Variants in LPIN3 observed in about 807,000 individuals in gnomAD.
LPIN3 encodes the protein lipin 3, also known as phosphatidate phosphatase LPIN3.
In LPIN3, 82 loss-of-function variants were observed where a neutral mutation model predicts 94.7. The observed-to-expected ratio is 0.87, with a 90% CI of 0.72 to 1.04. The LOEUF (loss-of-function observed/expected upper bound fraction) is 1.04. Among genes scored for constraint, LPIN3 ranks in the 50% least tolerant of loss-of-function variants. The pLI is 0.00. For synonymous variants in LPIN3, 418 were observed against 443.3 expected, an observed-to-expected ratio of 0.94 and a Z score of 0.72; for missense variants, 996 against 1,090.5, an observed-to-expected ratio of 0.91 and a Z score of 1.22.
intron 1 of LPIN3, among the ~76,000 whole-genome samples, chr20:41,345,339 T>C (rs952757471): frequency 6.6e-6 from 1 of 152,148 alleles, no homozygotes; most frequent in African/African-American, 2.4e-5. Flanking sequence ...TTCATAGTTA[T>C]GAGGCTCTGG....
At chr20:41,346,094 G>T (rs2045765273) in intron 2 of LPIN3, 99 bp downstream of exon 2, 1 of 1,228,996 alleles carries the variant, frequency 8.1e-7, no homozygotes, top group Non-Finnish European at 1.1e-6. Context: ...CCTCCCTTAG[G>T]TGGGGATCTG....
At chr20:41,356,585 A>G (rs1324051235) in intron 14 of LPIN3, among the ~76,000 whole-genome samples, 1 of 152,142 alleles carries the variant, frequency 6.6e-6, no homozygotes. Flanking sequence ...ATCCTTCCCT[A>G]TGGATCAAGT....
chr20:41,342,956 C>T (rs917983399), intron 1 of LPIN3, among the ~76,000 whole-genome samples: 6 of 152,128 alleles, frequency 3.9e-5, no homozygotes, highest in Admixed American at 2.6e-4. Context: ...CTCTGCTATT[C>T]GGCCCTTTCT....
intron 17 of LPIN3, 94 bp from the exon 18 acceptor site, chr20:41,358,143 G>T: frequency 6.3e-7 from 1 of 1,579,922 alleles, no homozygotes; most frequent in Non-Finnish European, 8.6e-7. Flanking sequence ...GGCAAGGAGG[G>T]TGGGGTCAGA....
Position 41,357,365 on chromosome 20 carries a change from G to A in LPIN3, c.1957G>A (p.Asp653Asn), listed in dbSNP as rs2046247884. 1.2e-6 allele frequency: 2 copies of A among 1,613,980 alleles called. No homozygotes were observed. The highest frequency in any genetic ancestry group is 1.7e-6 in the Non-Finnish European group (2 of 1,179,922). The change falls in exon 16 of 20, where the codon GAT (aspartate) becomes AAT (asparagine). Residue 653 changes from aspartate to asparagine, a missense_variant. Physicochemically the swap from Asp to Asn is conservative, Grantham distance 23. Transcript: ENST00000373257. Reference sequence around the variant, plus strand: ...ACCCTTCCTCTCTCACTCTAGGTCAGATGCTCTGGGCCATATCCTGCCCCA... The same window carrying A: ...ACCCTTCCTCTCTCACTCTAGGTCAAATGCTCTGGGCCATATCCTGCCCCA... ...SDIDGTITKS[D>N]ALGHILPQLG...
chr20:41,357,758 C>A, intron 16 of LPIN3, 124 bp from the exon 17 acceptor site: 1 of 1,307,622 alleles, frequency 7.6e-7, no homozygotes, highest in Non-Finnish European at 1.1e-6. Context: ...CTCTTCAAGT[C>A]CCCTCCCTGC....
In LPIN3 at chr20:41,352,836, C is replaced by A. The variant is rs1227293425; in HGVS notation, c.1496C>A (p.Ser499Tyr). The change falls in exon 11 of 20, where the codon TCC becomes TAC. Residue 499 changes from serine (S) to tyrosine (Y), a missense_variant. By Grantham distance (144) the Ser-to-Tyr change is moderately radical. Coordinates refer to ENST00000373257, the MANE Select transcript of LPIN3 (RefSeq NM_022896.3). ...NWAVAAPMIL[S>Y]LQAFQKNLPK... ...GCTGTGGCTGCCCCCATGATCCTCT[C>A]CCTGCAAGCCTTCCAGAAAAACTTG... 2 of 1,614,230 alleles carry A rather than the reference C, an allele frequency of 1.2e-6. No individual in the cohort carries two copies. Among genetic ancestry groups the A allele is most frequent in the Admixed American group, 3.3e-5 (2 of 60,032 alleles).
Position 41,354,845 on chromosome 20 carries a change from C to T in LPIN3, c.1646C>T (p.Ala549Val), listed in dbSNP as rs374830738. The part of the protein sequence containing the change: ...EERSAQKEKT[A>V]AKEQQGEKTE... ...CGCAGTGCCCAGAAGGAGAAGACTG[C>T]AGCCAAGGAGCAGCAGGGGTGAGTG... Residue 549 changes from alanine (A) to valine (V), a missense_variant, in exon 13 of 20, where the codon GCA becomes GTA. Physicochemically the swap from Ala to Val is moderately conservative, Grantham distance 64 (BLOSUM62 0). Coordinates refer to ENST00000373257, the MANE Select transcript of LPIN3 (RefSeq NM_022896.3). The T allele has an allele frequency of 8.2e-6, 13 of 1,579,506 alleles. No individual in the cohort carries two copies. In the African/African-American group the frequency reaches 1.6e-4, roughly 20 times the overall value.
intron 13 of LPIN3, 76 bp from the exon 14 acceptor site, chr20:41,355,820 G>A (rs1439395300): frequency 1.3e-6 from 2 of 1,575,048 alleles, no homozygotes; most frequent in Non-Finnish European, 1.7e-6. Flanking sequence ...GACAGGTCCA[G>A]CCTCCTCTTG....
intron 1 of LPIN3, among the ~76,000 whole-genome samples, chr20:41,341,800 AC>A (rs1017920054): frequency 1.3e-5 from 2 of 151,772 alleles, no homozygotes; most frequent in Non-Finnish European, 2.9e-5. Flanking sequence ...ACACGGTGAA[AC>A]CCCGTCTCCA....
Position 41,356,045 on chromosome 20 carries a change from G to A in LPIN3, c.1803+11G>A, listed in dbSNP as rs778276057. On this transcript the variant is annotated intron_variant, in intron 14 of 19. Transcript: ENST00000373257. The stretch of plus-strand genomic sequence containing the variant: ...TCCTCCGATCAGATCGTAAGTGTGG[G>A]TTGTCTGTGTGGAGGTTGGGGAGGG... 39 of 1,612,118 alleles carry A rather than the reference G, an allele frequency of 2.4e-5. No individual in the cohort carries two copies. The highest frequency in any genetic ancestry group is 3.2e-5 in the Non-Finnish European group (38 of 1,178,574).
intron 2 of LPIN3, among the ~76,000 whole-genome samples, chr20:41,346,572 C>T (rs2045785209): frequency 6.6e-6 from 1 of 152,164 alleles, no homozygotes; most frequent in South Asian, 2.1e-4. Flanking sequence ...GAAACCCAGT[C>T]TCTACCAAAA....
At chr20:41,357,267 G>A in intron 15 of LPIN3, 79 bp downstream of exon 15, 2 of 1,604,432 alleles carry the variant, frequency 1.2e-6, no homozygotes, top group Middle Eastern at 1.9e-4. Flanking sequence ...GTGGTGGGGA[G>A]TGAGAGGAGC....
chr20:41,351,057 T>C (rs1423741730), intron 7 of LPIN3, among the ~76,000 whole-genome samples: 1 of 150,710 alleles, frequency 6.6e-6, no homozygotes, highest in Non-Finnish European at 1.5e-5. Context: ...GCCTGGGCAA[T>C]GTAGTGAGAA....
In LPIN3 at chr20:41,355,957, A is replaced by T; in HGVS notation, c.1726A>T (p.Ile576Phe). The T allele has an allele frequency of 1.2e-6, 2 of 1,613,956 alleles. No individual in the cohort carries two copies. The highest frequency in any genetic ancestry group is 2.2e-5 in the South Asian group (2 of 91,070). ...CCCAGACAGCCCTGTGATCCTGGAG[A>T]TCCCCTCCTTGCCACCCTCCACTCC... ...DAPDSPVILEIPSLPPSTPPS... is the reference protein window; with the variant it reads ...DAPDSPVILEFPSLPPSTPPS... The change falls in exon 14 of 20, where the codon ATC becomes TTC. Residue 576 changes from isoleucine to phenylalanine, a missense_variant. By Grantham distance (21) the Ile-to-Phe change is conservative. Coordinates refer to ENST00000373257, the MANE Select transcript of LPIN3 (RefSeq NM_022896.3).
chr20:41,346,114 C>G, intron 2 of LPIN3, 119 bp downstream of exon 2: 1 of 1,039,782 alleles, frequency 9.6e-7, no homozygotes, highest in Non-Finnish European at 1.4e-6. Context: ...GTCCTCTGGA[C>G]AGGCTTCCCT....
intron 2 of LPIN3, among the ~76,000 whole-genome samples, chr20:41,346,846 T>A (rs1470965340): frequency 6.6e-6 from 1 of 152,224 alleles, no homozygotes; most frequent in Non-Finnish European, 1.5e-5. Context: ...GTCTAGGGTG[T>A]GAATCAAGAT....
rs570015385 is a variant in LPIN3 at position 41,359,720 on chromosome 20, G to C, written c.*854G>C. On this transcript the variant is annotated 3_prime_UTR_variant, in exon 20 of 20. Coordinates refer to ENST00000373257, the MANE Select transcript of LPIN3 (RefSeq NM_022896.3). Reference sequence around the variant, plus strand: ...CAGCACATGACACACACCCACACCTGCAGGCTGTGGTTCCGGCTTGGCCTG... The same window carrying C: ...CAGCACATGACACACACCCACACCTCCAGGCTGTGGTTCCGGCTTGGCCTG... The C allele has an allele frequency of 6.6e-6, 1 of 152,636 alleles. No individual in the cohort carries two copies. The highest frequency in any genetic ancestry group is 1.9e-4 in the East Asian group (1 of 5,184). 9.5% of individuals were successfully genotyped at this position (152,636 alleles called of 1,614,324 possible).
rs201395513 is a variant in LPIN3 at position 41,348,767 on chromosome 20, G to T, written c.437G>T (p.Arg146Leu). ...TCCACTGGGCGGAGGAAGAGGCGTC[G>T]CAGGAGGAAACCCAAGCAGAAAGAG... ...TASTGRRKRR[R>L]RRKPKQKEDA... The change falls in exon 4 of 20, where the codon CGC (arginine) becomes CTC (leucine). Residue 146 changes from arginine to leucine, a missense_variant. Transcript: ENST00000373257. The T allele has an allele frequency of 3.1e-6, 5 of 1,612,782 alleles. No homozygotes were observed. In the Admixed American group the frequency reaches 6.7e-5, roughly 22 times the overall value.
Sources: gnomAD v4.1 joint callset for allele counts (sites outside exome capture counted in the v4.1 genomes callset) on GRCh38, gnomAD v4.1.1 for gene constraint, MANE v1.5 for transcripts, NCBI Gene and HGNC (gene_info 2026-07-23, HGNC 2026-07-21) for gene names.